RAB40A: variants seen among roughly 807,000 people sequenced by gnomAD.
RAB40A encodes RAB40A, member RAS oncogene family.
For missense variants in RAB40A, 145 were observed against 230.2 expected, an observed-to-expected ratio of 0.63 and a Z score of 2.40; for synonymous variants, 65 against 99.9, an observed-to-expected ratio of 0.65 and a Z score of 2.08.
chrX:103,505,103 T>A (rs2073248129), intron 2 of RAB40A, among the ~76,000 whole-genome samples: 2 of 112,326 alleles, frequency 1.8e-5, no homozygotes, highest in African/African-American at 6.5e-5. Context: ...TCATATTTTA[T>A]TTACCTGAAA....
At chrX:103,505,754 C>T (rs761116757) in intron 2 of RAB40A, among the ~76,000 whole-genome samples, 22 of 111,455 alleles carry the variant, frequency 2.0e-4, no homozygotes, top group Admixed American at 1.7e-3. Context: ...GAAAGACAAT[C>T]TTTAATTATA....
intron 2 of RAB40A, among the ~76,000 whole-genome samples, chrX:103,506,580 T>C (rs2147584031): frequency 9.0e-6 from 1 of 110,999 alleles, no homozygotes; most frequent in Non-Finnish European, 1.9e-5. Flanking sequence ...ACTTAAAGTA[T>C]CTTGTGTGTT....
chrX:103,501,993 A>C (rs1483799117), intron 2 of RAB40A: 1 of 123,370 alleles, frequency 8.1e-6, no homozygotes, highest in Non-Finnish European at 1.9e-5. Context: ...AGAAATGAGA[A>C]TGCTCATACA....
intron 2 of RAB40A, among the ~76,000 whole-genome samples, chrX:103,505,399 AG>A (rs2073249492): frequency 8.9e-6 from 1 of 111,902 alleles, no homozygotes; most frequent in Admixed American, 9.5e-5. Flanking sequence ...GTATGCATAT[AG>A]TTAGCTTTAG....
intron 2 of RAB40A, among the ~76,000 whole-genome samples, chrX:103,504,758 G>A (rs2073246391): frequency 8.9e-6 from 1 of 111,978 alleles, no homozygotes; most frequent in Non-Finnish European, 1.9e-5. Context: ...CTGGCCTCAT[G>A]AGATCCACCC....
At position 103,499,507 on chromosome X, in the gene RAB40A, A is replaced by G. The variant is rs1165587420; in HGVS notation, c.*416T>C. ...TTTACAAAAAGGCCCCTCTTGTACT[A>G]TCGATGACTGAATTATCTCACTATC... On this transcript the variant is annotated 3_prime_UTR_variant, in exon 3 of 3. Coordinates refer to ENST00000304236, the MANE Select transcript of RAB40A (RefSeq NM_080879.3). 2.2e-5 allele frequency: 5 copies of G among 231,901 alleles called. No homozygotes were observed. The highest frequency in any genetic ancestry group is 5.9e-5 in the South Asian group (1 of 16,847). The allele number at this position is 231,901 out of a possible 1,213,427, so 19.1% of individuals were successfully genotyped here.
At chrX:103,507,117 T>C (rs2073259611) in intron 2 of RAB40A, among the ~76,000 whole-genome samples, 1 of 105,440 alleles carries the variant, frequency 9.5e-6, no homozygotes, top group Admixed American at 1.0e-4. Context: ...CTCCCACTTA[T>C]GAGTGAGAAC....
At chrX:103,502,654 A>C (rs1259428816) in intron 2 of RAB40A, 10 of 723,362 alleles carry the variant, frequency 1.4e-5, no homozygotes, top group Non-Finnish European at 1.7e-5. Flanking sequence ...AGGGGAGTGG[A>C]ATCTGACATT....
intron 2 of RAB40A, among the ~76,000 whole-genome samples, chrX:103,511,667 G>A (rs1435243871): frequency 6.4e-5 from 7 of 109,620 alleles, no homozygotes; most frequent in African/African-American, 2.3e-4. Flanking sequence ...TGGACACAGG[G>A]ACGGGAACAT....
chrX:103,494,851 G>A (rs2073156054), downstream of RAB40A, among the ~76,000 whole-genome samples: 1 of 111,470 alleles, frequency 9.0e-6, no homozygotes, highest in South Asian at 3.7e-4. Context: ...GAGGTATTGT[G>A]ATTCCTCCAG....
chrX:103,509,642 A>G (rs2073277537), intron 2 of RAB40A, among the ~76,000 whole-genome samples: 1 of 7,086 alleles, frequency 1.4e-4, no homozygotes, highest in Admixed American at 2.0e-3. Context: ...TTTTCTGTTA[A>G]CAATCTTCAC....
At chrX:103,503,440 G>A in intron 2 of RAB40A, 4 of 752,396 alleles carry the variant, frequency 5.3e-6, no homozygotes, top group Non-Finnish European at 6.3e-6. Context: ...CGTATACTGA[G>A]GAGGGAAGAG....
At chrX:103,504,000 A>G (rs1447331126) in intron 2 of RAB40A, among the ~76,000 whole-genome samples, 2 of 112,366 alleles carry the variant, frequency 1.8e-5, no homozygotes, top group Non-Finnish European at 3.8e-5. Context: ...TGTCACAGCC[A>G]TAAAAAAGAA....
intron 2 of RAB40A, among the ~76,000 whole-genome samples, chrX:103,507,502 AC>A (rs1410164620): frequency 1.8e-5 from 2 of 111,334 alleles, no homozygotes; most frequent in Admixed American, 1.9e-4. Context: ...ATTAAAAAAC[AC>A]CTGCGGAGTA....
chrX:103,510,712 A>G (rs1340281363), intron 2 of RAB40A, among the ~76,000 whole-genome samples: 1 of 112,672 alleles, frequency 8.9e-6, no homozygotes, highest in African/African-American at 3.2e-5. Context: ...TAAGCTATCT[A>G]TTTTTAACTA....
At chrX:103,509,941 G>C (rs908999701) in intron 2 of RAB40A, among the ~76,000 whole-genome samples, 6 of 109,783 alleles carry the variant, frequency 5.5e-5, no homozygotes, top group Non-Finnish European at 1.1e-4. Flanking sequence ...GAGTAGCTGG[G>C]ATTACAGGCA....
rs1473994815 is a variant in RAB40A, at chrX:103,500,279, T to A, written c.478A>T (p.Asn160Tyr). ...GTGAAAGACTCTATGATGTTGAAATTGCACAGAGGGCTGACCTCAAAGAAG... is the reference window on the plus strand; with the variant it reads ...GTGAAAGACTCTATGATGTTGAAATAGCACAGAGGGCTGACCTCAAAGAAG... ...VTFFEVSPLC[N>Y]FNIIESFTEL... Residue 160 changes from asparagine (N) to tyrosine (Y), a missense_variant, in exon 3 of 3, where the codon AAT (asparagine) becomes TAT (tyrosine). Transcript: ENST00000304236. The A allele has an allele frequency of 5.0e-6, 6 of 1,210,341 alleles. No individual in the cohort carries two copies. Among genetic ancestry groups the A allele is most frequent in the Middle Eastern group, 2.3e-4 (1 of 4,371 alleles).
At chrX:103,493,513 A>G in the RAB40A span, among the ~76,000 whole-genome samples, 3 of 111,329 alleles carry the variant, frequency 2.7e-5, no homozygotes, top group African/African-American at 9.8e-5. Flanking sequence ...GCTACCAAGT[A>G]CTAGGTCTTA....
At chrX:103,511,433 G>A (rs1179430550) in intron 2 of RAB40A, among the ~76,000 whole-genome samples, 1 of 109,459 alleles carries the variant, frequency 9.1e-6, no homozygotes, top group Non-Finnish European at 1.9e-5. Flanking sequence ...AACCCAGGAG[G>A]CGGAGCTTGC....
Sources: gnomAD v4.1 joint callset for allele counts (sites outside exome capture counted in the v4.1 genomes callset) on GRCh38, gnomAD v4.1.1 for gene constraint, MANE v1.5 for transcripts, NCBI Gene and HGNC (gene_info 2026-07-23, HGNC 2026-07-21) for gene names.